CCDC14: variants seen among roughly 807,000 people sequenced by gnomAD.
CCDC14 encodes the protein coiled-coil domain containing 14, also known as coiled-coil domain-containing protein 14.
A neutral mutation model predicts 81.4 loss-of-function variants in CCDC14; 71 were observed. The ratio of observed to expected loss-of-function variants is 0.87; its 90% confidence interval spans 0.72 to 1.06. The LOEUF is 1.06. CCDC14 is among the 50% of genes least tolerant of loss of function. The pLI is 0.00. For synonymous variants in CCDC14, 332 were observed against 364.8 expected (o/e 0.91, Z 1.03); for missense variants, 1,046 against 1,047.3 (o/e 1.00, Z 0.02).
chr3:123,952,510 CA>C, intron 5 of CCDC14: 1 of 434,352 alleles, frequency 2.3e-6, no homozygotes, highest in South Asian at 1.8e-5. Flanking sequence ...TTTTAAATGC[CA>C]GAAGCACTCT....
the CCDC14 span, among the ~76,000 whole-genome samples, chr3:123,888,580 G>A: frequency 3.3e-5 from 5 of 152,256 alleles, no homozygotes; most frequent in Admixed American, 1.3e-4. Flanking sequence ...TTAATTGACT[G>A]ACAGTTCCTC....
rs1199009676 is a variant in CCDC14 at position 123,914,959 on chromosome 3, T to G, written c.2538A>C (p.Lys846Asn). 2 of 1,614,034 alleles carry G rather than the reference T, an allele frequency of 1.2e-6. No individual in the cohort carries two copies. Among genetic ancestry groups the G allele is most frequent in the Non-Finnish European group, 1.7e-6 (2 of 1,179,884 alleles). Residue 846 changes from lysine to asparagine, a missense_variant, in exon 13 of 13, where the codon AAA becomes AAC. Coordinates refer to ENST00000409697, the MANE Select transcript of CCDC14 (RefSeq NM_001366335.1). ...CACTACCATCACAGACAGTATTGCC[T>G]TTCACTTGAAGGCTGTTGCTAAGAC... The part of the protein sequence containing the change: ...SGCLSNSLQV[K>N]GNTVCDGSVF...
rs116292617 is a variant in CCDC14 at position 123,951,062 on chromosome 3, G to C, written c.353-1930C>G. Among the ~76,000 whole-genome samples the C allele has an allele frequency of 2.6e-3, 394 of 152,236 alleles. 2 individuals carry two copies. Among genetic ancestry groups the C allele is most frequent in the African/African-American group, 9.2e-3 (383 of 41,564 alleles). Reference sequence around the variant, plus strand: ...TTTCAGATGATCTACTCCTATAAATGTACTTTCCAGACCTAAATACAAGCT... The same window carrying C: ...TTTCAGATGATCTACTCCTATAAATCTACTTTCCAGACCTAAATACAAGCT... On this transcript the variant is annotated intron_variant, in intron 5 of 12. Transcript: ENST00000409697.
chr3:123,889,986 T>C, the CCDC14 span, among the ~76,000 whole-genome samples: 20,920 of 152,180 alleles, frequency 0.14, 2,479 homozygotes, highest in East Asian at 0.36. Context: ...TACAATTTCA[T>C]ATGGCTGGGG....
downstream of CCDC14, among the ~76,000 whole-genome samples, chr3:123,895,969 C>T (rs2034055116): frequency 6.6e-6 from 1 of 152,196 alleles, no homozygotes; most frequent in Non-Finnish European, 1.5e-5. Flanking sequence ...GCTGCATTCC[C>T]ATGCTCATTG....
intron 12 of CCDC14, among the ~76,000 whole-genome samples, chr3:123,924,953 AT>A: frequency 7.6e-6 from 1 of 132,172 alleles, no homozygotes; most frequent in African/African-American, 3.3e-5. Context: ...GTATACATAT[AT>A]ACACACACAC....
intron 9 of CCDC14, among the ~76,000 whole-genome samples, chr3:123,937,058 T>C (rs549495470): frequency 1.3e-5 from 2 of 152,210 alleles, no homozygotes; most frequent in African/African-American, 2.4e-5. Context: ...TCTTACCCTT[T>C]TATTGTTGAG....
In CCDC14 at chr3:123,913,983, A is replaced by T; in HGVS notation, c.*796T>A. The T allele has an allele frequency of 1.0e-6, 1 of 985,616 alleles. No homozygotes were observed. Among genetic ancestry groups the T allele is most frequent in the Non-Finnish European group, 1.2e-6 (1 of 829,722 alleles). 61.1% of individuals were successfully genotyped at this position (985,616 alleles called of 1,614,324 possible). Reference sequence around the variant, plus strand: ...GCTGGGAGAAAAAATTCTTCCAAAAAGGCAGAATTACAATCAATGCCAAGA... The same window carrying T: ...GCTGGGAGAAAAAATTCTTCCAAAATGGCAGAATTACAATCAATGCCAAGA... On this transcript the variant is annotated 3_prime_UTR_variant, in exon 13 of 13. Transcript: ENST00000409697.
chr3:123,923,811 G>C (rs1027933979), intron 12 of CCDC14, among the ~76,000 whole-genome samples: 14 of 150,988 alleles, frequency 9.3e-5, no homozygotes, highest in African/African-American at 2.9e-4. Flanking sequence ...CAAATAAATG[G>C]AAGGCTACCC....
the CCDC14 span, among the ~76,000 whole-genome samples, chr3:123,888,728 C>T: frequency 2.6e-5 from 4 of 152,106 alleles, no homozygotes; most frequent in African/African-American, 9.7e-5. Flanking sequence ...CACTTTTAAA[C>T]CATCAGATCT....
At chr3:123,952,655 A>G in intron 5 of CCDC14, 1 of 525,340 alleles carries the variant, frequency 1.9e-6, no homozygotes, top group Non-Finnish European at 3.9e-6. Flanking sequence ...TCCCAGATAG[A>G]AAGTACATAA....
At chr3:123,947,998 A>G (rs2036757985) in intron 7 of CCDC14, among the ~76,000 whole-genome samples, 1 of 152,166 alleles carries the variant, frequency 6.6e-6, no homozygotes, top group South Asian at 2.1e-4. Flanking sequence ...AAGCAGCAGT[A>G]TATAAGACTG....
At chr3:123,956,242 C>A in intron 3 of CCDC14, 113 bp downstream of exon 3, 1 of 1,236,794 alleles carries the variant, frequency 8.1e-7, no homozygotes, top group Non-Finnish European at 1.1e-6. Context: ...TGTTTTAAAG[C>A]AACAGACTTC....
rs2036662644 is a variant in CCDC14 at position 123,946,990 on chromosome 3, A to T, written c.1014T>A (p.Asn338Lys). 3 of 1,613,720 alleles carry T rather than the reference A, an allele frequency of 1.9e-6. No individual in the cohort carries two copies. Among genetic ancestry groups the T allele is most frequent in the Non-Finnish European group, 1.7e-6 (2 of 1,179,864 alleles). ...TTTGCTCTCTGGCACATTTTTCTTC[A>T]TTAGTGGCCAAGAAAGCTGGTTGTG... Reference protein sequence around the residue: ...TQSQPAFLATNEEKCAREQIR... With the variant: ...TQSQPAFLATKEEKCAREQIR... Residue 338 changes from asparagine (N) to lysine (K), a missense_variant, in exon 8 of 13, where the codon AAT becomes AAA. Asn to Lys is a moderately conservative substitution (Grantham distance 94). Transcript: ENST00000409697.
chr3:123,930,998 A>C (rs1297082826), intron 12 of CCDC14, 104 bp downstream of exon 12: 1 of 964,054 alleles, frequency 1.0e-6, no homozygotes, highest in Non-Finnish European at 1.5e-6. Flanking sequence ...GCAAAATAAG[A>C]GAAAAAGATA....
At chr3:123,935,385 C>T (rs539303604) in intron 9 of CCDC14, among the ~76,000 whole-genome samples, 1 of 152,120 alleles carries the variant, frequency 6.6e-6, no homozygotes, top group Non-Finnish European at 1.5e-5. Context: ...TAATCTCTGA[C>T]AAAATTATTC....
intron 12 of CCDC14, among the ~76,000 whole-genome samples, chr3:123,922,525 A>G (rs1320778751): frequency 6.6e-6 from 1 of 152,172 alleles, no homozygotes; most frequent in African/African-American, 2.4e-5. Flanking sequence ...ATAAAAGGAG[A>G]TATTACAACT....
chr3:123,911,432 A>C (rs1559758158), downstream of CCDC14, among the ~76,000 whole-genome samples: 1 of 152,202 alleles, frequency 6.6e-6, no homozygotes, highest in East Asian at 1.9e-4. Context: ...AAAATGATTA[A>C]GGGAGTGTTA....
intron 10 of CCDC14, among the ~76,000 whole-genome samples, 155 bp from the exon 11 acceptor site, chr3:123,931,681 T>C (rs2035729555): frequency 6.6e-6 from 1 of 152,094 alleles, no homozygotes; most frequent in Admixed American, 6.5e-5. Context: ...AAATACTACA[T>C]ATATTTTTAA....
Sources: gnomAD v4.1 joint callset for allele counts (sites outside exome capture counted in the v4.1 genomes callset) on GRCh38, gnomAD v4.1.1 for gene constraint, MANE v1.5 for transcripts, NCBI Gene and HGNC (gene_info 2026-07-23, HGNC 2026-07-21) for gene names.